Variants in ANKS1B observed in about 807,000 individuals in gnomAD.
ANKS1B encodes ankyrin repeat and sterile alpha motif domain-containing protein 1B.
In ANKS1B, 36 loss-of-function variants were observed where a neutral mutation model predicts 148.3. That is an observed-to-expected ratio of 0.24 (90% CI 0.19 to 0.32). ANKS1B has a LOEUF of 0.32. Ranked by LOEUF, ANKS1B falls within the 10% of genes least tolerant of loss-of-function variation. The pLI is 1.00. For synonymous variants in ANKS1B, 542 were observed against 560.8 expected, an observed-to-expected ratio of 0.97 and a Z score of 0.47; for missense variants, 1,157 against 1,542.6, an observed-to-expected ratio of 0.75 and a Z score of 4.19.
chr12:98,924,437 C>A (rs572539719), intron 17 of ANKS1B, among the ~76,000 whole-genome samples: 6 of 152,252 alleles, frequency 3.9e-5, no homozygotes, highest in African/African-American at 1.4e-4. Context: ...TGCTAAATGG[C>A]TGTATCTACT....
intron 15 of ANKS1B, among the ~76,000 whole-genome samples, chr12:99,100,921 C>A (rs986302539): frequency 6.6e-6 from 1 of 152,178 alleles, no homozygotes; most frequent in African/African-American, 2.4e-5. Flanking sequence ...TCAGGAAAGA[C>A]ATTTTGGGAA....
chr12:99,648,368 G>A (rs35471478), intron 9 of ANKS1B: 24 of 1,613,970 alleles, frequency 1.5e-5, no homozygotes, highest in Middle Eastern at 1.6e-4. Flanking sequence ...GTGCACAACC[G>A]TGCCCGAATG....
At chr12:98,778,563 G>C (rs1333446992) in intron 24 of ANKS1B, among the ~76,000 whole-genome samples, 3 of 152,166 alleles carry the variant, frequency 2.0e-5, no homozygotes, top group Non-Finnish European at 4.4e-5. Context: ...TTATCAATCT[G>C]CTCCTTTTCT....
chr12:99,256,640 G>T (rs368606390), intron 12 of ANKS1B, among the ~76,000 whole-genome samples: 4 of 151,972 alleles, frequency 2.6e-5, no homozygotes, highest in African/African-American at 7.2e-5. Context: ...CATAATTTTA[G>T]GTTGATAGTT....
intron 12 of ANKS1B, among the ~76,000 whole-genome samples, chr12:99,391,372 T>C (rs1407573164): frequency 6.6e-6 from 1 of 152,198 alleles, no homozygotes; most frequent in Non-Finnish European, 1.5e-5. Flanking sequence ...TCAACTGCTG[T>C]CATTTCTCTC....
At chr12:99,462,640 A>G (rs2096002012) in intron 10 of ANKS1B, among the ~76,000 whole-genome samples, 1 of 152,228 alleles carries the variant, frequency 6.6e-6, no homozygotes, top group Non-Finnish European at 1.5e-5. Flanking sequence ...TACAACTGCT[A>G]GAAATTAATG....
intron 17 of ANKS1B, among the ~76,000 whole-genome samples, chr12:98,836,906 G>A (rs761686879): frequency 2.0e-5 from 3 of 152,174 alleles, no homozygotes; most frequent in African/African-American, 7.2e-5. Flanking sequence ...AAAGGGGAAC[G>A]TCTATGAACA....
intron 12 of ANKS1B, among the ~76,000 whole-genome samples, chr12:99,252,687 G>A (rs1241791546): frequency 2.6e-5 from 4 of 152,202 alleles, no homozygotes; most frequent in Non-Finnish European, 5.9e-5. Flanking sequence ...TTTCCCAAAG[G>A]AGAGGGTCTT....
At chr12:98,778,783 G>A (rs565356959) in intron 24 of ANKS1B, among the ~76,000 whole-genome samples, 1 of 152,240 alleles carries the variant, frequency 6.6e-6, no homozygotes, top group Non-Finnish European at 1.5e-5. Flanking sequence ...CACCAATACG[G>A]CCTTCCACTA....
intron 17 of ANKS1B, among the ~76,000 whole-genome samples, chr12:98,957,252 G>A (rs1414486210): frequency 2.6e-5 from 4 of 152,008 alleles, no homozygotes; most frequent in African/African-American, 9.7e-5. Context: ...TTGCTGCAGA[G>A]TGAGTGAACC....
At chr12:99,465,681 C>T (rs992793535) in intron 10 of ANKS1B, among the ~76,000 whole-genome samples, 6 of 152,050 alleles carry the variant, frequency 3.9e-5, no homozygotes, top group African/African-American at 1.4e-4. Flanking sequence ...CAACAAAGAT[C>T]AAAAGAGACA....
chr12:99,371,853 A>G (rs2093153601), intron 12 of ANKS1B, among the ~76,000 whole-genome samples: 2 of 152,182 alleles, frequency 1.3e-5, no homozygotes, highest in Admixed American at 1.3e-4. Context: ...TTATTAATAA[A>G]TGGCACCTGT....
At chr12:99,698,981 C>T (rs1310685974) in intron 8 of ANKS1B, among the ~76,000 whole-genome samples, 7 of 128,750 alleles carry the variant, frequency 5.4e-5, no homozygotes, top group South Asian at 6.1e-4. Context: ...TGGGTGTGCA[C>T]GCACGTGCGC....
At chr12:99,539,177 A>G (rs2097101488) in intron 9 of ANKS1B, among the ~76,000 whole-genome samples, 1 of 152,172 alleles carries the variant, frequency 6.6e-6, no homozygotes, top group Non-Finnish European at 1.5e-5. Context: ...AATTCACACT[A>G]AAAAACGTAA....
chr12:99,008,723 T>C (rs181824417), intron 17 of ANKS1B, among the ~76,000 whole-genome samples: 46 of 152,176 alleles, frequency 3.0e-4, no homozygotes, highest in Admixed American at 2.6e-3. Flanking sequence ...CCCAAAAATA[T>C]AAAAGAAAAA....
At chr12:99,578,270 G>A (rs1032062067) in intron 9 of ANKS1B, among the ~76,000 whole-genome samples, 5 of 152,012 alleles carry the variant, frequency 3.3e-5, no homozygotes, top group African/African-American at 1.2e-4. Context: ...CATGTCAAAT[G>A]GGCAAAAGCT....
intron 12 of ANKS1B, among the ~76,000 whole-genome samples, chr12:99,326,418 C>T (rs143232949): frequency 1.1e-3 from 167 of 152,220 alleles, no homozygotes; most frequent in African/African-American, 3.9e-3. Context: ...CAGCTCACTC[C>T]TCTCACCAAA....
At chr12:99,204,346 A>G (rs1196093039) in intron 14 of ANKS1B, among the ~76,000 whole-genome samples, 3 of 152,250 alleles carry the variant, frequency 2.0e-5, no homozygotes, top group African/African-American at 7.2e-5. Context: ...TCTATAAAAC[A>G]GAACAAAACC....
intron 1 of ANKS1B, among the ~76,000 whole-genome samples, chr12:99,913,856 A>T (rs1430128774): frequency 1.3e-5 from 2 of 152,132 alleles, no homozygotes; most frequent in African/African-American, 2.4e-5. Context: ...GTAAAAAAAA[A>T]TTTATGATTA....
Sources: allele counts gnomAD v4.1 joint callset (sites outside exome capture counted in the v4.1 genomes callset), GRCh38; gene constraint gnomAD v4.1.1; transcripts MANE v1.5; gene names NCBI Gene and HGNC (gene_info 2026-07-23, HGNC 2026-07-21).